Variants in RNGTT observed in about 807,000 individuals in gnomAD.
RNGTT encodes mRNA-capping enzyme.
RNGTT carries 33 observed loss-of-function variants against 79.3 expected under a neutral mutation model. The ratio of observed to expected loss-of-function variants is 0.42; its 90% CI spans 0.32 to 0.56. The LOEUF is 0.56. Among genes scored for constraint, RNGTT ranks in the 20% least tolerant of loss-of-function variants. RNGTT has a pLI of 0.17. For missense variants in RNGTT, 497 were observed against 739.1 expected, an observed-to-expected ratio of 0.67 and a Z score of 3.80; for synonymous variants, 222 against 235.9, an observed-to-expected ratio of 0.94 and a Z score of 0.54.
chr6:88,618,806 A>G lies in RNGTT; in HGVS notation c.1507-4411T>C, dbSNP rs187626913. Among the ~76,000 whole-genome samples, 320 of 152,336 alleles carry G rather than the reference A, an allele frequency of 2.1e-3. 1 individual carries two copies. The highest frequency in any genetic ancestry group is 7.5e-3 in the African/African-American group (310 of 41,594). On this transcript the variant is annotated intron_variant, in intron 14 of 15. Coordinates refer to ENST00000369485, the MANE Select transcript of RNGTT (RefSeq NM_003800.5). ...GTACTTCTCAAGATTTTAAATTAGC[A>G]GCTCAAAGAAAAGTTTCACTTATTA...
chr6:88,885,959 A>G (rs1413371187), intron 8 of RNGTT, among the ~76,000 whole-genome samples: 2 of 152,228 alleles, frequency 1.3e-5, no homozygotes, highest in South Asian at 2.1e-4. Context: ...AAGCTACAAG[A>G]TAACTGGCCA....
At chr6:88,710,194 C>A (rs535750891) in intron 13 of RNGTT, among the ~76,000 whole-genome samples, 19 of 152,296 alleles carry the variant, frequency 1.2e-4, no homozygotes, top group Admixed American at 2.0e-4. Context: ...CATAGCAAGT[C>A]CCTGTCTCTC....
At chr6:88,754,964 G>A (rs915289327) in intron 13 of RNGTT, among the ~76,000 whole-genome samples, 3 of 152,134 alleles carry the variant, frequency 2.0e-5, no homozygotes, top group Non-Finnish European at 2.9e-5. Context: ...AGCTCTGAAA[G>A]TTATGAGACC....
chr6:88,655,699 A>C (rs1384722816), intron 14 of RNGTT, among the ~76,000 whole-genome samples: 1 of 152,220 alleles, frequency 6.6e-6, no homozygotes, highest in Non-Finnish European at 1.5e-5. Context: ...GACTTTTTTC[A>C]AGCCTTTCTG....
At position 88,839,597 on chromosome 6, in the gene RNGTT, T is replaced by C. The variant is rs547738551; in HGVS notation, c.1269+4760A>G. ...AAAAAAGAAAAAAAAATCATCACTT[T>C]ATGGAGATAGTAAGAATATAAATAA... On this transcript the variant is annotated intron_variant, in intron 11 of 15. Transcript: ENST00000369485. 1.0e-3 allele frequency among the ~76,000 whole-genome samples: 157 copies of C among 152,078 alleles called. 2 individuals are homozygous for C. The highest frequency in any genetic ancestry group is 1.1e-3 in the Non-Finnish European group (72 of 68,012).
At chr6:88,642,401 A>G (rs1773355818) in intron 14 of RNGTT, among the ~76,000 whole-genome samples, 1 of 152,224 alleles carries the variant, frequency 6.6e-6, no homozygotes, top group African/African-American at 2.4e-5. Context: ...TATCAAAGGG[A>G]AAATTTTACA....
rs765811375 is a variant in RNGTT at position 88,612,485 on chromosome 6, C to G, written c.*234G>C. 2 of 414,092 alleles carry G rather than the reference C, an allele frequency of 4.8e-6. No individual in the cohort carries two copies. The highest frequency in any genetic ancestry group is 8.7e-6 in the Non-Finnish European group (2 of 230,912). The allele number at this position is 414,092 out of a possible 1,614,324, so 25.7% of individuals were successfully genotyped here. A position where few individuals can be genotyped will look rare whatever the true frequency, so the allele number is the denominator to read the frequency against. The stretch of plus-strand genomic sequence containing the variant: ...AATCTTCAGATTCCACAAGGTAAGG[C>G]TGAGTTTATCAGATAAATAAGATGT... On this transcript the variant is annotated 3_prime_UTR_variant, in exon 16 of 16. Coordinates refer to ENST00000369485, the MANE Select transcript of RNGTT (RefSeq NM_003800.5).
intron 8 of RNGTT, among the ~76,000 whole-genome samples, chr6:88,880,757 T>A (rs1782671146): frequency 6.6e-6 from 1 of 152,166 alleles, no homozygotes; most frequent in South Asian, 2.1e-4. Flanking sequence ...GCAGAAAGAA[T>A]TAAAATAAAA....
chr6:88,833,223 A>G (rs988861794), intron 11 of RNGTT, among the ~76,000 whole-genome samples: 1 of 152,212 alleles, frequency 6.6e-6, no homozygotes, highest in Admixed American at 6.5e-5. Flanking sequence ...GCACATAGAC[A>G]CCATGGAATA....
chr6:88,952,534 A>G (rs1232221058), intron 1 of RNGTT, among the ~76,000 whole-genome samples: 1 of 152,228 alleles, frequency 6.6e-6, no homozygotes, highest in Non-Finnish European at 1.5e-5. Context: ...AACTCATGAC[A>G]AAATAATCCT....
chr6:88,628,462 C>A (rs1772720198), intron 14 of RNGTT, among the ~76,000 whole-genome samples: 1 of 152,092 alleles, frequency 6.6e-6, no homozygotes, highest in Non-Finnish European at 1.5e-5. Flanking sequence ...TGAACATTCA[C>A]ATATTGGGGT....
chr6:88,619,599 AAAG>A (rs1772367171), intron 14 of RNGTT, among the ~76,000 whole-genome samples: 1 of 152,236 alleles, frequency 6.6e-6, no homozygotes, highest in Non-Finnish European at 1.5e-5. Context: ...AGAAAGAAGG[AAAG>A]AAGAACGGGG....
chr6:88,642,076 C>G (rs1471153833), intron 14 of RNGTT, among the ~76,000 whole-genome samples: 2 of 152,078 alleles, frequency 1.3e-5, no homozygotes, highest in Non-Finnish European at 2.9e-5. Flanking sequence ...GTCAGTGAAT[C>G]AAAGTACTAT....
intron 8 of RNGTT, among the ~76,000 whole-genome samples, chr6:88,876,334 G>A (rs191448952): frequency 2.0e-4 from 30 of 152,264 alleles, no homozygotes; most frequent in East Asian, 1.7e-3. Context: ...TTTGAGACCA[G>A]CCTGGACAAC....
At chr6:88,940,924 G>T in intron 2 of RNGTT, 147 bp downstream of exon 2, 1 of 539,342 alleles carries the variant, frequency 1.9e-6, no homozygotes, top group East Asian at 2.9e-5. Context: ...TGGGAGAAGG[G>T]TTCACAGAAT....
intron 10 of RNGTT, among the ~76,000 whole-genome samples, chr6:88,847,443 A>C (rs1781521686): frequency 6.6e-6 from 1 of 152,190 alleles, no homozygotes; most frequent in Non-Finnish European, 1.5e-5. Flanking sequence ...TATTTCAAAA[A>C]AATTCTTTTT....
intron 2 of RNGTT, among the ~76,000 whole-genome samples, chr6:88,937,521 CT>C (rs2127957164): frequency 6.7e-6 from 1 of 150,258 alleles, no homozygotes; most frequent in South Asian, 2.1e-4. Context: ...TTTGTTGATT[CT>C]TTGTATTTTT....
At chr6:88,664,655 G>C (rs928444742) in intron 14 of RNGTT, among the ~76,000 whole-genome samples, 2 of 152,160 alleles carry the variant, frequency 1.3e-5, no homozygotes, top group African/African-American at 4.8e-5. Flanking sequence ...CTATTGTAAA[G>C]AGACAGGACA....
At chr6:88,850,638 G>T (rs1235878325) in intron 9 of RNGTT, among the ~76,000 whole-genome samples, 2 of 151,820 alleles carry the variant, frequency 1.3e-5, no homozygotes, top group Non-Finnish European at 2.9e-5. Flanking sequence ...AATATATTTT[G>T]TTGTTGTAAG....
Sources: gnomAD v4.1 joint callset for allele counts (sites outside exome capture counted in the v4.1 genomes callset) on GRCh38, gnomAD v4.1.1 for gene constraint, MANE v1.5 for transcripts, NCBI Gene and HGNC (gene_info 2026-07-23, HGNC 2026-07-21) for gene names.